The following L3MBTL3 variants were observed in gnomAD, a reference collection of about 807,000 sequenced individuals.
The protein encoded by L3MBTL3 is lethal(3)malignant brain tumor-like protein 3.
Under a neutral mutation model 102.3 loss-of-function variants are expected in L3MBTL3, and 27 were observed. That is an observed-to-expected ratio of 0.26 (90% CI 0.19 to 0.36). L3MBTL3 has a LOEUF of 0.36. L3MBTL3 is among the 10% of genes least tolerant of loss of function. L3MBTL3 has a pLI of 1.00. For synonymous variants in L3MBTL3, 340 were observed against 320.9 expected (o/e 1.06, Z -0.64); for missense variants, 798 against 955.3 (o/e 0.84, Z 2.17).
intron 16 of L3MBTL3, among the ~76,000 whole-genome samples, chr6:130,089,114 C>T (rs1210422551): frequency 2.6e-5 from 4 of 151,856 alleles, no homozygotes; most frequent in Admixed American, 6.6e-5. Context: ...ATGTGTACAA[C>T]GTGCAGGTTT....
chr6:130,032,984 C>A (rs1415467961), intron 2 of L3MBTL3, among the ~76,000 whole-genome samples: 1 of 152,152 alleles, frequency 6.6e-6, no homozygotes, highest in Non-Finnish European at 1.5e-5. Context: ...CAGAGCAAGA[C>A]CCTGTCTCAA....
At position 130,051,422 on chromosome 6, in the gene L3MBTL3, C is replaced by T; in HGVS notation, c.449+14C>T. On this transcript the variant is annotated intron_variant, in intron 6 of 22. Transcript: ENST00000361794. ...CATCAAAGATAAGTAGGTTTTTGCCCCATTCCATCTATAAATTGAGTTTTA... is the reference window on the plus strand; with the variant it reads ...CATCAAAGATAAGTAGGTTTTTGCCTCATTCCATCTATAAATTGAGTTTTA... 1 of 1,604,982 alleles carries T rather than the reference C, an allele frequency of 6.2e-7. No individual in the cohort carries two copies. Among genetic ancestry groups the T allele is most frequent in the Non-Finnish European group, 8.5e-7 (1 of 1,173,510 alleles).
At chr6:130,124,267 G>A (rs1786445268) in intron 20 of L3MBTL3, among the ~76,000 whole-genome samples, 1 of 152,194 alleles carries the variant, frequency 6.6e-6, no homozygotes, top group Non-Finnish European at 1.5e-5. Flanking sequence ...GCAGCTTTGA[G>A]CATCTGCATT....
intron 14 of L3MBTL3, among the ~76,000 whole-genome samples, chr6:130,080,027 G>T (rs1783220947): frequency 6.6e-6 from 1 of 152,162 alleles, no homozygotes; most frequent in Non-Finnish European, 1.5e-5. Flanking sequence ...GGCTGAGGCG[G>T]GAGGATCACT....
chr6:130,094,466 T>A, intron 18 of L3MBTL3, 99 bp downstream of exon 18: 1 of 593,452 alleles, frequency 1.7e-6, no homozygotes, highest in Non-Finnish European at 2.7e-6. Flanking sequence ...GAACTAATTT[T>A]AAATTCAGAT....
intron 20 of L3MBTL3, among the ~76,000 whole-genome samples, chr6:130,131,236 A>C (rs1786992617): frequency 6.6e-6 from 1 of 152,208 alleles, no homozygotes; most frequent in African/African-American, 2.4e-5. Flanking sequence ...TGTGGACAAT[A>C]AACATAGGGA....
At chr6:130,116,286 C>G (rs1328646651) in intron 19 of L3MBTL3, among the ~76,000 whole-genome samples, 3 of 152,214 alleles carry the variant, frequency 2.0e-5, no homozygotes, top group Non-Finnish European at 4.4e-5. Flanking sequence ...ACATGCCCCT[C>G]TGACGTAAAG....
In L3MBTL3 at chr6:130,104,573, C is replaced by G. The variant is rs1327656259; in HGVS notation, c.1884C>G (p.Ile628Met). 6.4e-7 allele frequency: 1 copy of G among 1,559,994 alleles called. No homozygotes were observed. The highest frequency in any genetic ancestry group is 1.4e-5 in the African/African-American group (1 of 72,172). The change falls in exon 19 of 23, where the codon ATC becomes ATG. Residue 628 changes from isoleucine to methionine, a missense_variant and splice_region_variant. Coordinates refer to ENST00000361794, the MANE Select transcript of L3MBTL3 (RefSeq NM_032438.4). ...DANESSSSPE[I>M]RDQHADDVKE... ...ATGAAAGCTCTTCTTCCCCTGAAATCAGGTAATCAAAGAGCTAATATTAGC... is the reference window on the plus strand; with the variant it reads ...ATGAAAGCTCTTCTTCCCCTGAAATGAGGTAATCAAAGAGCTAATATTAGC...
intron 19 of L3MBTL3, among the ~76,000 whole-genome samples, chr6:130,108,220 GTTTTTTTTTTGTTTTTTT>G (rs1342053023): frequency 3.4e-5 from 4 of 118,706 alleles, no homozygotes; most frequent in Non-Finnish European, 5.3e-5. Context: ...ATGTTAGGTG[GTTTTTTTTTTGTTTTTTT>G]TTTTTTTTTT....
chr6:130,070,987 A>G lies in L3MBTL3; in HGVS notation c.1104A>G (p.Pro368=). 2 of 1,612,974 alleles carry G rather than the reference A, an allele frequency of 1.2e-6. No homozygotes were observed. The highest frequency in any genetic ancestry group is 1.1e-5 in the South Asian group (1 of 91,024). Residue 368 remains proline (P), a synonymous_variant, in exon 13 of 23, where the codon CCA becomes CCG. Transcript: ENST00000361794. ...LFENQNITVI[P]SGFRVGMKLE... The stretch of plus-strand genomic sequence containing the variant: ...GTGTGTTTCCATAGACAGTGATCCC[A>G]TCGGGCTTTCGAGTTGGTATGAAGC...
In L3MBTL3 at chr6:130,072,309, G is replaced by T. The variant is rs1782689756; in HGVS notation, c.1244+1182G>T. Among the ~76,000 whole-genome samples the T allele has an allele frequency of 2.0e-5, 3 of 152,106 alleles. No individual in the cohort carries two copies. In the South Asian group the frequency reaches 6.2e-4, roughly 32 times the overall value. On this transcript the variant is annotated intron_variant, in intron 13 of 22. Coordinates refer to ENST00000361794, the MANE Select transcript of L3MBTL3 (RefSeq NM_032438.4). ...AATCTAGAAATGATTTAAAGTATAA[G>T]GGAGATAAAGTAAACAGAAAGATGT...
At chr6:130,019,913 C>T (rs1227382932) in intron 1 of L3MBTL3, among the ~76,000 whole-genome samples, 1 of 140,190 alleles carries the variant, frequency 7.1e-6, no homozygotes, top group African/African-American at 2.6e-5. Context: ...TCGCGGCGTT[C>T]GCCCCGCGCC....
intron 19 of L3MBTL3, among the ~76,000 whole-genome samples, chr6:130,108,334 A>C (rs1785129941): frequency 6.7e-6 from 1 of 148,302 alleles, no homozygotes; most frequent in African/African-American, 2.5e-5. Context: ...TCCCAGGTTC[A>C]AGGGATTCGC....
intron 1 of L3MBTL3, chr6:130,019,285 G>A (rs1778771125): frequency 6.9e-6 from 1 of 145,014 alleles, no homozygotes; most frequent in African/African-American, 2.5e-5. Flanking sequence ...GGCGGCGAGC[G>A]CGGCCGCCGA....
At chr6:130,121,856 G>A (rs1786236811) in intron 20 of L3MBTL3, among the ~76,000 whole-genome samples, 1 of 152,168 alleles carries the variant, frequency 6.6e-6, no homozygotes, top group Non-Finnish European at 1.5e-5. Context: ...GACCAGCCTG[G>A]CCAACACGGT....
intron 12 of L3MBTL3, among the ~76,000 whole-genome samples, chr6:130,070,029 GAGAT>G (rs1366725784): frequency 1.3e-5 from 2 of 152,296 alleles, no homozygotes; most frequent in South Asian, 2.1e-4. Flanking sequence ...AGTAAAATGA[GAGAT>G]AGCATTTATT....
intron 2 of L3MBTL3, among the ~76,000 whole-genome samples, chr6:130,040,765 C>T (rs1225688535): frequency 6.6e-6 from 1 of 152,174 alleles, no homozygotes; most frequent in Non-Finnish European, 1.5e-5. Context: ...CGTTAAAAAC[C>T]AGGAGCTTGC....
chr6:130,083,680 C>A lies in L3MBTL3; in HGVS notation c.1382C>A (p.Pro461His). 6.5e-7 allele frequency: 1 copy of A among 1,545,508 alleles called. No individual in the cohort carries two copies. Among genetic ancestry groups the A allele is most frequent in the Non-Finnish European group, 8.7e-7 (1 of 1,142,918 alleles). Residue 461 changes from proline (P) to histidine (H), a missense_variant, in exon 15 of 23, where the codon CCT becomes CAT. By Grantham distance (77) the Pro-to-His change is moderately conservative. Around this residue, in one of 4 missense-constraint regions of L3MBTL3, gnomAD observed 306 missense variants for 314.4 expected, o/e 0.97. Coordinates refer to ENST00000361794, the MANE Select transcript of L3MBTL3 (RefSeq NM_032438.4). ...TACTTAGAAGAAACCAATTCTTTAC[C>A]TGCTCCTGCAAGAGCTTTCAAAGTG... ...DKYLEETNSL[P>H]APARAFKVKP...
chr6:130,119,689 A>G (rs1785993987), intron 19 of L3MBTL3, among the ~76,000 whole-genome samples: 1 of 152,192 alleles, frequency 6.6e-6, no homozygotes, highest in Non-Finnish European at 1.5e-5. Context: ...AGTTGTCTTT[A>G]GCATGAACTA....
Sources: gnomAD v4.1 joint callset for allele counts (sites outside exome capture counted in the v4.1 genomes callset) on GRCh38, gnomAD v4.1.1 for gene constraint, gnomAD v4.1.1 regional missense constraint, MANE v1.5 for transcripts, NCBI Gene and HGNC (gene_info 2026-07-23, HGNC 2026-07-21) for gene names.